The following PROX1 variants were observed in gnomAD, a reference collection of about 807,000 sequenced individuals.
PROX1 encodes prospero homeobox 1.
PROX1 carries 7 observed loss-of-function variants against 58.8 expected under a neutral mutation model. That is an observed-to-expected ratio of 0.12 (90% confidence interval 0.07 to 0.22). The LOEUF (loss-of-function observed/expected upper bound fraction) is 0.22, where lower values mean the gene tolerates loss of function less well. PROX1 is among the 10% of genes least tolerant of loss of function. The pLI, the probability that PROX1 is intolerant of heterozygous loss-of-function variation, is 1.00. For synonymous variants in PROX1, 350 were observed against 358.3 expected, an observed-to-expected ratio of 0.98 and a Z score of 0.26; for missense variants, 675 against 927.8, an observed-to-expected ratio of 0.73 and a Z score of 3.54.
rs76470772 is a variant in PROX1 at position 214,008,542 on chromosome 1, T to G, written c.1834-2979T>G. 3.8e-3 allele frequency among the ~76,000 whole-genome samples: 578 copies of G among 152,324 alleles called. 3 individuals are homozygous for G. Among genetic ancestry groups the G allele is most frequent in the African/African-American group, 0.013 (550 of 41,564 alleles). On this transcript the variant is annotated intron_variant, in intron 3 of 4. Coordinates refer to ENST00000366958, the MANE Select transcript of PROX1 (RefSeq NM_001270616.2). ...GGATAGAGCTAGATGGGGTAAATCC[T>G]CTGACTTGCTCTAGAAGGTGAGTCA...
chr1:213,983,314 A>C (rs552634026), upstream of PROX1: 1 of 152,420 alleles, frequency 6.6e-6, no homozygotes, highest in South Asian at 2.1e-4. Flanking sequence ...GCCCTGGCAC[A>C]CTGGAGGAGG....
chr1:213,999,159 G>T (rs1663399384), intron 2 of PROX1, among the ~76,000 whole-genome samples: 1 of 152,052 alleles, frequency 6.6e-6, no homozygotes, highest in South Asian at 2.1e-4. Flanking sequence ...AGAGATAACA[G>T]TTATATTTTT....
chr1:213,983,877 GT>G (rs1303547083), upstream of PROX1: 1 of 152,220 alleles, frequency 6.6e-6, no homozygotes, highest in African/African-American at 2.4e-5. Flanking sequence ...GATGGGTGGG[GT>G]TGGAGAAAGG....
intron 1 of PROX1, among the ~76,000 whole-genome samples, chr1:213,994,343 A>G (rs1663147347): frequency 2.0e-5 from 3 of 152,218 alleles, no homozygotes; most frequent in Admixed American, 6.5e-5. Context: ...ATTTGCATAC[A>G]AATAGAAAAG....
At chr1:213,988,820 C>T (rs1041826296) in intron 1 of PROX1, 3 of 152,128 alleles carry the variant, frequency 2.0e-5, no homozygotes, top group Non-Finnish European at 4.4e-5. Context: ...GGACTTGTCG[C>T]TGATCTTGTC....
chr1:214,029,715 T>C (rs1036312829), intron 4 of PROX1: 1 of 152,184 alleles, frequency 6.6e-6, no homozygotes, highest in Admixed American at 6.5e-5. Context: ...AAACAATTGC[T>C]TGAAGGCTCA....
chr1:214,011,562 C>T lies in PROX1; in HGVS notation c.1875C>T (p.Ser625=). ...CITSQLIKWF[S]NFREFYYIQM... ...CCTCTCAGCTCATCAAGTGGTTTAG[C>T]AATTTCCGTGAGTTTTACTACATTC... The change falls in exon 4 of 5, where the codon AGC becomes AGT. Residue 625 remains serine, a synonymous_variant. Coordinates refer to ENST00000366958, the MANE Select transcript of PROX1 (RefSeq NM_001270616.2). The T allele has an allele frequency of 1.9e-6, 3 of 1,613,936 alleles. No homozygotes were observed. The highest frequency in any genetic ancestry group is 2.5e-6 in the Non-Finnish European group (3 of 1,179,910).
rs1027676285 is a variant in PROX1 at position 214,039,225 on chromosome 1, A to C, written c.*3391A>C. 5 of 152,216 alleles carry C rather than the reference A, an allele frequency of 3.3e-5. No individual in the cohort carries two copies. The highest frequency in any genetic ancestry group is 7.3e-5 in the Non-Finnish European group (5 of 68,030). The allele number at this position is 152,216 out of a possible 1,614,324, so 9.4% of individuals were successfully genotyped here. ...ATGTTCTATTTGCAACAAAACATTTAATTCTTACTGTATCTCTGGCTGTTT... is the reference window on the plus strand; with the variant it reads ...ATGTTCTATTTGCAACAAAACATTTCATTCTTACTGTATCTCTGGCTGTTT... On this transcript the variant is annotated 3_prime_UTR_variant, in exon 5 of 5. Transcript: ENST00000366958.
chr1:214,029,812 G>A (rs1008123461), intron 4 of PROX1: 2 of 152,080 alleles, frequency 1.3e-5, no homozygotes, highest in African/African-American at 4.8e-5. Flanking sequence ...AGGCTGGGGG[G>A]TGGCTGGGGA....
At chr1:213,995,474 T>C (rs954317980) in intron 1 of PROX1, among the ~76,000 whole-genome samples, 1 of 148,322 alleles carries the variant, frequency 6.7e-6, no homozygotes, top group Non-Finnish European at 1.5e-5. Flanking sequence ...TTTTTTTTTT[T>C]CCTTTAATTT....
chr1:214,003,637 A>G (rs1663602944), intron 2 of PROX1, among the ~76,000 whole-genome samples: 1 of 145,826 alleles, frequency 6.9e-6, no homozygotes, highest in South Asian at 2.1e-4. Flanking sequence ...TCAGTTTAAC[A>G]AAAAATAAAA....
intron 1 of PROX1, among the ~76,000 whole-genome samples, chr1:213,994,789 AT>A (rs1426187573): frequency 1.3e-4 from 10 of 76,718 alleles, no homozygotes; most frequent in African/African-American, 5.1e-4. Context: ...ATATATATAT[AT>A]ATATATATAT....
At chr1:214,002,412 C>CTTTTTTTTTTTTTTTTTTTTTTTTTT (rs774337530) in intron 2 of PROX1, among the ~76,000 whole-genome samples, 5 of 116,370 alleles carry the variant, frequency 4.3e-5, no homozygotes, top group African/African-American at 6.6e-5. Flanking sequence ...TTTCTTTTTT[C>CTTTTTTTTTTTTTTTTTTTTTTTTTT]TTTTTTTTTT....
chr1:214,040,315 T>C lies in PROX1; in HGVS notation c.*4481T>C, dbSNP rs1158232537. On this transcript the variant is annotated 3_prime_UTR_variant, in exon 5 of 5. Coordinates refer to ENST00000366958, the MANE Select transcript of PROX1 (RefSeq NM_001270616.2). ...AAGAATATAACAGAATGTGGAAGTG[T>C]CTGGACTTTGAGTCTTTTCAACTGA... 3.3e-5 allele frequency: 5 copies of C among 152,200 alleles called. No homozygotes were observed. The highest frequency in any genetic ancestry group is 3.3e-4 in the Admixed American group (5 of 15,270). 9.4% of individuals were successfully genotyped at this position (152,200 alleles called of 1,614,324 possible).
intron 4 of PROX1, 25 bp downstream of exon 4, chr1:214,011,740 G>T: frequency 6.6e-7 from 1 of 1,521,950 alleles, no homozygotes; most frequent in Non-Finnish European, 8.8e-7. Flanking sequence ...TTATTTTTTG[G>T]TCATCTCCCT....
chr1:214,014,694 T>TCTAA (rs58991738), intron 4 of PROX1, among the ~76,000 whole-genome samples: 3,393 of 152,288 alleles, frequency 0.022, 164 homozygotes, highest in East Asian at 0.12. Context: ...TTCAAGTTAT[T>TCTAA]CTAACTGGGC....
chr1:214,022,685 G>C (rs1402772623), intron 4 of PROX1, among the ~76,000 whole-genome samples: 1 of 152,166 alleles, frequency 6.6e-6, no homozygotes, highest in Non-Finnish European at 1.5e-5. Flanking sequence ...GGCCATACCT[G>C]CCTCATTGTG....
In PROX1 at chr1:214,035,896, A is replaced by G; in HGVS notation, c.*62A>G. ...GCAGTCCCCTTTGGATGTCCAAGTTATATGTGTCTAGATTTTGATTTCATA... is the reference window on the plus strand; with the variant it reads ...GCAGTCCCCTTTGGATGTCCAAGTTGTATGTGTCTAGATTTTGATTTCATA... On this transcript the variant is annotated 3_prime_UTR_variant, in exon 5 of 5. Transcript: ENST00000366958. 1 of 1,432,434 alleles carries G rather than the reference A, an allele frequency of 7.0e-7. No homozygotes were observed. Among genetic ancestry groups the G allele is most frequent in the Non-Finnish European group, 9.5e-7 (1 of 1,057,292 alleles). The allele number at this position is 1,432,434 out of a possible 1,614,324, so 88.7% of individuals were successfully genotyped here.
chr1:214,037,718 C>T lies in PROX1; in HGVS notation c.*1884C>T, dbSNP rs1175787001. On this transcript the variant is annotated 3_prime_UTR_variant, in exon 5 of 5. Transcript: ENST00000366958. ...CCTCACACATCTCCCAGCTCACACT[C>T]TACTAATGCACAGAGTCATTAGATC... 1 of 152,196 alleles carries T rather than the reference C, an allele frequency of 6.6e-6. No individual in the cohort carries two copies. The highest frequency in any genetic ancestry group is 1.5e-5 in the Non-Finnish European group (1 of 68,052). The allele number at this position is 152,196 out of a possible 1,614,324, so 9.4% of individuals were successfully genotyped here. A position where few individuals can be genotyped will look rare whatever the true frequency, so the allele number is the denominator to read the frequency against.
Sources: gnomAD v4.1 joint callset for allele counts (sites outside exome capture counted in the v4.1 genomes callset) on GRCh38, gnomAD v4.1.1 for gene constraint, MANE v1.5 for transcripts, NCBI Gene and HGNC (gene_info 2026-07-23, HGNC 2026-07-21) for gene names.